CSRP2: variants seen among roughly 807,000 people sequenced by gnomAD.
CSRP2 encodes the protein cysteine and glycine rich protein 2.
In CSRP2, 18 loss-of-function variants were observed where a neutral mutation model predicts 24.6. The observed-to-expected ratio is 0.73, with a 90% CI of 0.51 to 1.09. The LOEUF (loss-of-function observed/expected upper bound fraction) is 1.09. CSRP2 is among the 50% of genes least tolerant of loss of function. CSRP2 has a pLI of 0.00. For synonymous variants in CSRP2, 87 were observed against 84.3 expected (o/e 1.03, Z -0.18); for missense variants, 215 against 239.4 (o/e 0.90, Z 0.67).
intron 3 of CSRP2, chr12:76,861,587 A>G (rs983816235): frequency 6.6e-6 from 1 of 152,160 alleles, no homozygotes; most frequent in Non-Finnish European, 1.5e-5. Context: ...AACAAGTAAA[A>G]TAAATTTTAA....
intron 3 of CSRP2, chr12:76,862,899 A>C (rs1592508186): frequency 6.5e-7 from 1 of 1,529,822 alleles, no homozygotes; most frequent in African/African-American, 1.4e-5. Context: ...GTGCTGTGAA[A>C]TTGAAGTAAA....
Position 76,858,761 on chromosome 12 carries a change from A to C in CSRP2, c.*191T>G. 1 of 432,126 alleles carries C rather than the reference A, an allele frequency of 2.3e-6. No individual in the cohort carries two copies. The highest frequency in any genetic ancestry group is 4.2e-6 in the Non-Finnish European group (1 of 235,838). 26.8% of individuals were successfully genotyped at this position (432,126 alleles called of 1,614,324 possible). The stretch of plus-strand genomic sequence containing the variant: ...AATGTAAAAGAAATGTTCCCCCAAA[A>C]TGCTGGTGAATAAAGCAAAAGGATA... On this transcript the variant is annotated 3_prime_UTR_variant, in exon 6 of 6. Coordinates refer to ENST00000311083, the MANE Select transcript of CSRP2 (RefSeq NM_001321.3).
intron 2 of CSRP2, chr12:76,865,562 A>G (rs1395544624): frequency 1.3e-5 from 2 of 152,218 alleles, no homozygotes; most frequent in African/African-American, 4.8e-5. Flanking sequence ...TTTTTAACCT[A>G]TGGTTTTCTG....
Position 76,858,981 on chromosome 12 carries a change from C to G in CSRP2, c.553G>C (p.Gly185Arg), listed in dbSNP as rs759751521. The G allele has an allele frequency of 6.2e-7, 1 of 1,614,222 alleles. No homozygotes were observed. The highest frequency in any genetic ancestry group is 1.7e-5 in the Admixed American group (1 of 60,032). Residue 185 changes from glycine to arginine, a missense_variant, in exon 6 of 6, where the codon GGA becomes CGA. Gly to Arg is a moderately radical substitution (Grantham distance 125). Transcript: ENST00000311083. ...FGPKGFGYGQ[G>R]AGALVHAQ ...TGGGCATGAACAAGAGCCCCTGCTC[C>G]TTGGCCATAGCCAAATCCCTTGGGC...
chr12:76,875,985 C>T (rs77788799), intron 1 of CSRP2, among the ~76,000 whole-genome samples: 13 of 152,278 alleles, frequency 8.5e-5, no homozygotes, highest in Non-Finnish European at 1.8e-4. Context: ...AATTATTTCA[C>T]TGATGTTTTG....
intron 1 of CSRP2, among the ~76,000 whole-genome samples, chr12:76,871,215 C>T (rs1285029622): frequency 6.6e-6 from 1 of 152,030 alleles, no homozygotes; most frequent in East Asian, 1.9e-4. Flanking sequence ...ATTGTGAAGG[C>T]AAGATAAGGT....
intron 1 of CSRP2, among the ~76,000 whole-genome samples, chr12:76,872,984 C>A (rs1385037297): frequency 6.6e-6 from 1 of 152,160 alleles, no homozygotes; most frequent in Non-Finnish European, 1.5e-5. Flanking sequence ...CCATTAGTGC[C>A]GCATTTACTG....
chr12:76,862,729 T>G, intron 3 of CSRP2: 1 of 1,308,804 alleles, frequency 7.6e-7, no homozygotes, highest in Non-Finnish European at 9.8e-7. Flanking sequence ...AGTAAAAAAT[T>G]TTAAGTTAGA....
At chr12:76,865,353 T>C (rs1371845586) in intron 2 of CSRP2, among the ~76,000 whole-genome samples, 1 of 152,244 alleles carries the variant, frequency 6.6e-6, no homozygotes, top group Non-Finnish European at 1.5e-5. Flanking sequence ...AAGGCATACA[T>C]AGTGAACATT....
chr12:76,871,784 A>G (rs949704927), intron 1 of CSRP2, among the ~76,000 whole-genome samples: 3 of 151,684 alleles, frequency 2.0e-5, no homozygotes, highest in Non-Finnish European at 4.4e-5. Context: ...AAAAAAGAAA[A>G]GAAACGAAGT....
At chr12:76,863,452 T>A in intron 2 of CSRP2, 108 bp from the exon 3 acceptor site, 1 of 1,148,420 alleles carries the variant, frequency 8.7e-7, no homozygotes, top group Non-Finnish European at 1.2e-6. Flanking sequence ...TGAGGCTCCC[T>A]CACATTCCTG....
chr12:76,877,664 G>A (rs1279313178), intron 1 of CSRP2, among the ~76,000 whole-genome samples: 1 of 152,202 alleles, frequency 6.6e-6, no homozygotes, highest in Non-Finnish European at 1.5e-5. Context: ...CAAAGTATCA[G>A]TGACAATGGA....
intron 1 of CSRP2, among the ~76,000 whole-genome samples, chr12:76,867,268 C>T (rs1165903141): frequency 6.8e-6 from 1 of 147,306 alleles, no homozygotes; most frequent in Non-Finnish European, 1.5e-5. Flanking sequence ...GTGGGTGGAT[C>T]ACCTGAGGTC....
chr12:76,872,503 GC>G (rs1282635283), intron 1 of CSRP2, among the ~76,000 whole-genome samples: 2 of 152,214 alleles, frequency 1.3e-5, no homozygotes, highest in Non-Finnish European at 2.9e-5. Context: ...GGCCATGTGG[GC>G]CATGCAAATG....
At chr12:76,864,344 G>A (rs1232382491) in intron 2 of CSRP2, 1 of 152,136 alleles carries the variant, frequency 6.6e-6, no homozygotes, top group Non-Finnish European at 1.5e-5. Flanking sequence ...AGGGTAGGGT[G>A]TCGGGAAGGA....
chr12:76,869,529 A>AACACACACACACACACACACACACAC lies in CSRP2; in HGVS notation c.-1-3294_-1-3269dup, dbSNP rs57542492. On this transcript the variant is annotated intron_variant, in intron 1 of 5. Coordinates refer to ENST00000311083, the MANE Select transcript of CSRP2 (RefSeq NM_001321.3). ...GGAGCTCCTGTTCCTTAAAACAAAC[A>AACACACACACACACACACACACACAC]ACACACACACACACACACACACACA... 9.4e-4 allele frequency among the ~76,000 whole-genome samples: 127 copies of AACACACACACACACACACACACACAC among 135,412 alleles called. 1 individual carries two copies. Among genetic ancestry groups the AACACACACACACACACACACACACAC allele is most frequent in the Non-Finnish European group, 1.4e-3 (88 of 63,638 alleles). The allele number at this position is 135,412 out of a possible 152,430, so 88.8% of individuals were successfully genotyped here.
At chr12:76,877,065 C>G (rs372911420) in intron 1 of CSRP2, among the ~76,000 whole-genome samples, 1 of 152,240 alleles carries the variant, frequency 6.6e-6, no homozygotes, top group Non-Finnish European at 1.5e-5. Flanking sequence ...GTTCCTCCCC[C>G]TTTCAGCCAT....
At chr12:76,873,697 T>C (rs975109133) in intron 1 of CSRP2, among the ~76,000 whole-genome samples, 1 of 152,206 alleles carries the variant, frequency 6.6e-6, no homozygotes, top group Non-Finnish European at 1.5e-5. Flanking sequence ...AACGCTTGCA[T>C]AGTGGGGACT....
intron 1 of CSRP2, among the ~76,000 whole-genome samples, chr12:76,876,768 C>A (rs10862707): frequency 0.15 from 22,580 of 152,234 alleles, 1,955 homozygotes; most frequent in African/African-American, 0.22. Context: ...AGGAAACGCT[C>A]TTCAGGTGTG....
Sources: gnomAD v4.1 joint callset for allele counts (sites outside exome capture counted in the v4.1 genomes callset) on GRCh38, gnomAD v4.1.1 for gene constraint, MANE v1.5 for transcripts, NCBI Gene and HGNC (gene_info 2026-07-23, HGNC 2026-07-21) for gene names.